The following SLC6A17 variants were observed in gnomAD, a reference collection of about 807,000 sequenced individuals.
SLC6A17 encodes sodium-dependent neutral amino acid transporter SLC6A17.
Under a neutral mutation model 64.5 loss-of-function variants are expected in SLC6A17, and 21 were observed. The ratio of observed to expected loss-of-function variants is 0.33; its 90% CI spans 0.23 to 0.47. The LOEUF (loss-of-function observed/expected upper bound fraction) is 0.47. Among genes scored for constraint, SLC6A17 ranks in the 20% least tolerant of loss-of-function variants. The probability of loss-of-function intolerance (pLI) is 1.00; values close to 1 mark genes in which losing one functional copy is unlikely to be tolerated. For synonymous variants in SLC6A17, 372 were observed against 399.5 expected (o/e 0.93, Z 0.82); for missense variants, 682 against 963.2 (o/e 0.71, Z 3.86).
In SLC6A17 at chr1:110,199,218, C is replaced by T. The variant is rs919744385; in HGVS notation, c.*774C>T. On this transcript the variant is annotated 3_prime_UTR_variant, in exon 12 of 12. Coordinates refer to ENST00000331565, the MANE Select transcript of SLC6A17 (RefSeq NM_001010898.4). ...GCAGTGACCGGGACCAGAACCTTCC[C>T]CACCTCAATTAGGGCTTAGCCATCT... is the stretch of plus-strand genomic sequence containing the variant. 6 of 152,476 alleles carry T rather than the reference C, an allele frequency of 3.9e-5. No homozygotes were observed. Among genetic ancestry groups the T allele is most frequent in the African/African-American group, 1.4e-4 (6 of 41,432 alleles). The allele number at this position is 152,476 out of a possible 1,614,324, so 9.4% of individuals were successfully genotyped here.
rs545224338 is a variant in SLC6A17, at chr1:110,183,464, TG to T, written c.864+6729del. On this transcript the variant is annotated intron_variant, in intron 6 of 11. Transcript: ENST00000331565. ...GGATTAGTGGTTAGTACTGGGCTTG[TG>T]GGGAGGTTGGGGGAGACATGGGGAA... Among the ~76,000 whole-genome samples, 397 of 152,228 alleles carry T rather than the reference TG, an allele frequency of 2.6e-3. 1 individual carries two copies. The highest frequency in any genetic ancestry group is 4.1e-3 in the Non-Finnish European group (279 of 68,010).
chr1:110,153,519 A>ATGTGTGTGTGTGTGTGTGTGTGTGTG lies in SLC6A17; in HGVS notation c.-88+2643_-88+2668dup, dbSNP rs3222731. On this transcript the variant is annotated intron_variant, in intron 1 of 11. Coordinates refer to ENST00000331565, the MANE Select transcript of SLC6A17 (RefSeq NM_001010898.4). ...AGGGGACTCCAATCTGCTACTGGAA[A>ATGTGTGTGTGTGTGTGTGTGTGTGTG]TGTGTGTGTGTGTGTGTGTGTGTGT... Among the ~76,000 whole-genome samples, 982 of 137,316 alleles carry ATGTGTGTGTGTGTGTGTGTGTGTGTG rather than the reference A, an allele frequency of 7.2e-3. 25 individuals are homozygous for ATGTGTGTGTGTGTGTGTGTGTGTGTG. Among genetic ancestry groups the ATGTGTGTGTGTGTGTGTGTGTGTGTG allele is most frequent in the Middle Eastern group, 0.014 (4 of 276 alleles). The allele number at this position is 137,316 out of a possible 152,430, so 90.1% of individuals were successfully genotyped here.
chr1:110,156,077 G>A (rs1291441508), intron 1 of SLC6A17, among the ~76,000 whole-genome samples: 4 of 152,314 alleles, frequency 2.6e-5, no homozygotes, highest in African/African-American at 4.8e-5. Context: ...GGGCTGGCTC[G>A]CAGAATAGCC....
At chr1:110,162,068 G>A (rs1351239836) in intron 1 of SLC6A17, among the ~76,000 whole-genome samples, 1 of 152,228 alleles carries the variant, frequency 6.6e-6, no homozygotes, top group African/African-American at 2.4e-5. Flanking sequence ...GGGCCTTCTC[G>A]GCACTCGTGC....
intron 1 of SLC6A17, among the ~76,000 whole-genome samples, chr1:110,165,493 T>A (rs1034420896): frequency 1.3e-5 from 2 of 152,178 alleles, no homozygotes; most frequent in Admixed American, 6.5e-5. Flanking sequence ...AGACTCACTG[T>A]TCCCTTGGAA....
At chr1:110,190,801 G>A (rs990012136) in intron 6 of SLC6A17, among the ~76,000 whole-genome samples, 7 of 152,038 alleles carry the variant, frequency 4.6e-5, no homozygotes, top group African/African-American at 1.7e-4. Flanking sequence ...GAGTATAGGT[G>A]ATAGAAAAAC....
chr1:110,163,160 C>T lies in SLC6A17; in HGVS notation c.-87-3683C>T, dbSNP rs141558564. 2.6e-5 allele frequency among the ~76,000 whole-genome samples: 4 copies of T among 151,964 alleles called. No individual in the cohort carries two copies. The East Asian group carries it at 7.7e-4, about 29-fold the overall frequency. On this transcript the variant is annotated intron_variant, in intron 1 of 11. Coordinates refer to ENST00000331565, the MANE Select transcript of SLC6A17 (RefSeq NM_001010898.4). ...AATAATATTGCTGGTCTTTTGGGTC[C>T]AAGCTGGTAGCTGCGGGACCTTTGC...
rs1656913081 is a variant in SLC6A17 at position 110,194,614 on chromosome 1, C to T, written c.1335C>T (p.Phe445=). The change falls in exon 9 of 12, where the codon TTC becomes TTT. Residue 445 remains phenylalanine (F), a synonymous_variant. Coordinates refer to ENST00000331565, the MANE Select transcript of SLC6A17 (RefSeq NM_001010898.4). ...GCACAGGCCTGGCCTTCATCGCCTT[C>T]ACTGAGGCCATGACGCACTTCCCCG... The part of the protein sequence containing the change: ...VQGTGLAFIA[F]TEAMTHFPAS... The T allele has an allele frequency of 1.1e-5, 18 of 1,614,214 alleles. No homozygotes were observed. Among genetic ancestry groups the T allele is most frequent in the Non-Finnish European group, 1.5e-5 (18 of 1,180,044 alleles).
rs184331499 is a variant in SLC6A17 at position 110,167,212 on chromosome 1, G to A, written c.283G>A (p.Gly95Arg). 2 of 1,611,118 alleles carry A rather than the reference G, an allele frequency of 1.2e-6. No homozygotes were observed. The highest frequency in any genetic ancestry group is 2.7e-5 in the African/African-American group (2 of 74,934). The change falls in exon 2 of 12, where the codon GGA becomes AGA. Residue 95 changes from glycine to arginine, a missense_variant. This residue lies in a region of SLC6A17 where 415 missense variants were observed against 603.8 expected (regional missense o/e 0.69). Coordinates refer to ENST00000331565, the MANE Select transcript of SLC6A17 (RefSeq NM_001010898.4). ...CCCCTACCTGTGCCAGAAAAATGGA[G>A]GAGGTAAGAGACAGCTCTGCCTGCA... ...RFPYLCQKNG[G>R]GAYLVPYLVL...
chr1:110,163,642 A>G (rs1258552333), intron 1 of SLC6A17, among the ~76,000 whole-genome samples: 1 of 152,076 alleles, frequency 6.6e-6, no homozygotes, highest in Non-Finnish European at 1.5e-5. Flanking sequence ...TGTGTGGCCA[A>G]GGCCCCAGGG....
rs1292518651 is a variant in SLC6A17, at chr1:110,198,680, A to G, written c.*236A>G. Reference sequence around the variant, plus strand: ...CAGGACCCCACTCATCTAGCCCTCCAAGAGCCTCCGCCAAATTGTAGCCAT... The same window carrying G: ...CAGGACCCCACTCATCTAGCCCTCCGAGAGCCTCCGCCAAATTGTAGCCAT... On this transcript the variant is annotated 3_prime_UTR_variant, in exon 12 of 12. Transcript: ENST00000331565. 1.7e-6 allele frequency: 1 copy of G among 595,786 alleles called. No homozygotes were observed. Among genetic ancestry groups the G allele is most frequent in the Non-Finnish European group, 2.7e-6 (1 of 370,332 alleles). The allele number at this position is 595,786 out of a possible 1,614,324, so 36.9% of individuals were successfully genotyped here. A position where few individuals can be genotyped will look rare whatever the true frequency, so the allele number is the denominator to read the frequency against.
chr1:110,176,869 T>C, intron 6 of SLC6A17, 130 bp downstream of exon 6: 1 of 790,492 alleles, frequency 1.3e-6, no homozygotes, highest in South Asian at 1.8e-5. Context: ...TACCAGGCCC[T>C]GGAGAGATGC....
At chr1:110,198,012 G>C (rs961183287) in intron 11 of SLC6A17, 64 bp from the exon 12 acceptor site, 79 of 1,549,934 alleles carry the variant, frequency 5.1e-5, no homozygotes, top group Non-Finnish European at 6.8e-5. Flanking sequence ...AGCAGTCTTG[G>C]AGGGCCTGGG....
At chr1:110,175,941 T>C (rs913526088) in intron 5 of SLC6A17, among the ~76,000 whole-genome samples, 9 of 152,212 alleles carry the variant, frequency 5.9e-5, no homozygotes, top group Non-Finnish European at 1.3e-4. Flanking sequence ...ATGAAATGCC[T>C]GAGGCCACAT....
Position 110,198,526 on chromosome 1 carries a change from C to T in SLC6A17, c.*82C>T. On this transcript the variant is annotated 3_prime_UTR_variant, in exon 12 of 12. Coordinates refer to ENST00000331565, the MANE Select transcript of SLC6A17 (RefSeq NM_001010898.4). Reference sequence around the variant, plus strand: ...GGCCTGGCCTCTTTCTTGAGGTGGCCACCAGGCCCAGGCCAGGCCCTTTGC... The same window carrying T: ...GGCCTGGCCTCTTTCTTGAGGTGGCTACCAGGCCCAGGCCAGGCCCTTTGC... The T allele has an allele frequency of 1.3e-6, 2 of 1,526,312 alleles. No homozygotes were observed. The highest frequency in any genetic ancestry group is 1.4e-5 in the African/African-American group (1 of 72,740). The allele number at this position is 1,526,312 out of a possible 1,614,324, so 94.5% of individuals were successfully genotyped here.
At chr1:110,193,573 G>T (rs1656884178) in intron 8 of SLC6A17, among the ~76,000 whole-genome samples, 1 of 152,176 alleles carries the variant, frequency 6.6e-6, no homozygotes, top group Non-Finnish European at 1.5e-5. Flanking sequence ...TGGGGAAGGG[G>T]GTGCTTTCCC....
At chr1:110,183,576 C>T (rs1020708757) in intron 6 of SLC6A17, among the ~76,000 whole-genome samples, 8 of 152,020 alleles carry the variant, frequency 5.3e-5, no homozygotes, top group East Asian at 1.9e-4. Flanking sequence ...CAGTGTGATA[C>T]GCTAAAAACG....
At position 110,201,965 on chromosome 1, in the gene SLC6A17, G is replaced by C. The variant is rs1409526783; in HGVS notation, c.*3521G>C. ...CCGATGACTTTGGCTGGGGGAGGGG[G>C]CCTAGGGCCTCTTCTCATTGAAAGC... is the stretch of plus-strand genomic sequence containing the variant. On this transcript the variant is annotated 3_prime_UTR_variant, in exon 12 of 12. Transcript: ENST00000331565. 1 of 152,548 alleles carries C rather than the reference G, an allele frequency of 6.6e-6. No homozygotes were observed. The highest frequency in any genetic ancestry group is 1.5e-5 in the Non-Finnish European group (1 of 68,374). 9.4% of individuals were successfully genotyped at this position (152,548 alleles called of 1,614,324 possible). A position where few individuals can be genotyped will look rare whatever the true frequency, so the allele number is the denominator to read the frequency against.
Position 110,174,001 on chromosome 1 carries a change from A to C in SLC6A17, c.473A>C (p.Asn158Thr). The change falls in exon 4 of 12, where the codon AAT becomes ACT. Residue 158 changes from asparagine (N) to threonine (T), a missense_variant. Around this residue, in one of 3 missense-constraint regions of SLC6A17, gnomAD observed 415 missense variants for 603.8 expected, o/e 0.69. Coordinates refer to ENST00000331565, the MANE Select transcript of SLC6A17 (RefSeq NM_001010898.4). ...IVCLFVGLYY[N>T]VIIGWSIFYF... is the part of the protein sequence containing the mutation. ...TGTCTCTTTGTGGGGCTGTATTATAATGTGATCATCGGGTGGAGCATCTTC... is the reference window on the plus strand; with the variant it reads ...TGTCTCTTTGTGGGGCTGTATTATACTGTGATCATCGGGTGGAGCATCTTC... The C allele has an allele frequency of 6.2e-7, 1 of 1,614,144 alleles. No individual in the cohort carries two copies. Among genetic ancestry groups the C allele is most frequent in the Non-Finnish European group, 8.5e-7 (1 of 1,180,014 alleles).
Sources: gnomAD v4.1 joint callset for allele counts (sites outside exome capture counted in the v4.1 genomes callset) on GRCh38, gnomAD v4.1.1 for gene constraint, gnomAD v4.1.1 regional missense constraint, MANE v1.5 for transcripts, NCBI Gene and HGNC (gene_info 2026-07-23, HGNC 2026-07-21) for gene names.